Variants in SIRT5 observed in about 807,000 individuals in gnomAD.
The protein encoded by SIRT5 is sirtuin 5.
In SIRT5, 26 loss-of-function variants were observed where a neutral mutation model predicts 40.0. The ratio of observed to expected loss-of-function variants is 0.65; its 90% CI spans 0.48 to 0.90. The LOEUF is 0.90. Ranked by LOEUF, SIRT5 falls within the 40% of genes least tolerant of loss-of-function variation. The pLI is 0.00. For missense variants in SIRT5, 401 were observed against 402.4 expected, an observed-to-expected ratio of 1.00 and a Z score of 0.03; for synonymous variants, 146 against 149.1, an observed-to-expected ratio of 0.98 and a Z score of 0.15.
At chr6:13,574,821 C>A (rs1275114208) in intron 1 of SIRT5, 77 bp downstream of exon 1, 1 of 152,308 alleles carries the variant, frequency 6.6e-6, no homozygotes, top group Non-Finnish European at 1.5e-5. Flanking sequence ...GAAAGTAATC[C>A]CACCCGAGCA....
intron 3 of SIRT5, among the ~76,000 whole-genome samples, chr6:13,587,316 G>A (rs557716125): frequency 1.2e-4 from 19 of 152,326 alleles, no homozygotes; most frequent in African/African-American, 4.3e-4. Context: ...CAGGGCCACA[G>A]CGCTTACCTT....
chr6:13,604,567 A>G, intron 9 of SIRT5: 5 of 1,580,766 alleles, frequency 3.2e-6, no homozygotes, highest in Non-Finnish European at 4.3e-6. Flanking sequence ...AGAGAAAAAG[A>G]AGAAAATAAA....
chr6:13,611,668 A>C (rs184047741), intron 9 of SIRT5, 122 bp from the exon 10 acceptor site: 24 of 737,984 alleles, frequency 3.3e-5, no homozygotes, highest in African/African-American at 6.9e-5. Flanking sequence ...TCATAATACC[A>C]TCTTTATGAG....
intron 7 of SIRT5, 86 bp downstream of exon 7, chr6:13,597,102 G>T: frequency 9.7e-7 from 1 of 1,026,194 alleles, no homozygotes. Context: ...ACATGTATTT[G>T]GCAAGACGCC....
chr6:13,596,680 T>C (rs760396309), intron 6 of SIRT5, among the ~76,000 whole-genome samples: 3 of 152,118 alleles, frequency 2.0e-5, no homozygotes, highest in African/African-American at 7.2e-5. Context: ...AGAAATGCAG[T>C]CTTACTGTAT....
At chr6:13,598,482 G>A (rs931196928) in intron 7 of SIRT5, among the ~76,000 whole-genome samples, 1 of 152,174 alleles carries the variant, frequency 6.6e-6, no homozygotes, top group African/African-American at 2.4e-5. Context: ...AACTGGGAAA[G>A]CTTAGCTGAA....
chr6:13,585,033 G>A lies in SIRT5; in HGVS notation c.115+808G>A, dbSNP rs529530266. 6.6e-5 allele frequency: 10 copies of A among 152,164 alleles called. No homozygotes were observed. In the East Asian group the frequency reaches 1.9e-3, roughly 30 times the overall value. The allele number at this position is 152,164 out of a possible 1,614,324, so 9.4% of individuals were successfully genotyped here. ...GACGGTCACGGTGGAACAGAACAGA[G>A]GCCTCAGAAATAACACTACACATCT... On this transcript the variant is annotated intron_variant, in intron 3 of 9. Coordinates refer to ENST00000606117, the MANE Select transcript of SIRT5 (RefSeq NM_012241.5).
rs111480492 is a variant in SIRT5, at chr6:13,605,641, T to A, written c.857+4692T>A. On this transcript the variant is annotated intron_variant, in intron 9 of 9. Transcript: ENST00000606117. The stretch of plus-strand genomic sequence containing the variant: ...TTTTCAAGGTGTTAATTAGTTCCAG[T>A]TTTGGTTTTGTCGTTTTCCCCATGT... 2,520 of 985,410 alleles carry A rather than the reference T, an allele frequency of 2.6e-3. 51 individuals carry two copies. In the African/African-American group the frequency reaches 0.039, roughly 15 times the overall value. 61.0% of individuals were successfully genotyped at this position (985,410 alleles called of 1,614,324 possible).
intron 9 of SIRT5, chr6:13,604,999 A>G (rs904780085): frequency 3.0e-6 from 3 of 988,436 alleles, no homozygotes; most frequent in Non-Finnish European, 2.4e-6. Flanking sequence ...TGGCATCATC[A>G]AAGCTGACAT....
chr6:13,575,424 G>T (rs376724994), intron 1 of SIRT5, among the ~76,000 whole-genome samples: 1 of 152,084 alleles, frequency 6.6e-6, no homozygotes, highest in African/African-American at 2.4e-5. Flanking sequence ...TGGGAGTGAT[G>T]TATTGCATTT....
At chr6:13,590,421 G>A (rs1007892573) in intron 4 of SIRT5, among the ~76,000 whole-genome samples, 1 of 152,102 alleles carries the variant, frequency 6.6e-6, no homozygotes, top group Non-Finnish European at 1.5e-5. Context: ...CACTTTTTAT[G>A]TGTAGCTGTG....
Position 13,584,127 on chromosome 6 carries a change from T to C in SIRT5, c.17T>C (p.Ile6Thr), listed in dbSNP as rs758939301. Residue 6 changes from isoleucine (I) to threonine (T), a missense_variant, in exon 3 of 10, where the codon ATT (isoleucine) becomes ACT (threonine). By Grantham distance (89) the Ile-to-Thr change is moderately conservative. Transcript: ENST00000606117. Reference protein sequence around the residue: MRPLQIVPSRLISQLY... With the variant: MRPLQTVPSRLISQLY... ...CAAACCCTGATGCGACCTCTCCAGA[T>C]TGTCCCAAGTCGATTGATTTCCCAG... 1.2e-6 allele frequency: 2 copies of C among 1,614,096 alleles called. No homozygotes were observed. Among genetic ancestry groups the C allele is most frequent in the Non-Finnish European group, 8.5e-7 (1 of 1,179,964 alleles).
intron 4 of SIRT5, among the ~76,000 whole-genome samples, chr6:13,591,280 G>A (rs1760869314): frequency 6.6e-6 from 1 of 152,198 alleles, no homozygotes; most frequent in Non-Finnish European, 1.5e-5. Flanking sequence ...CTTTCCCTGG[G>A]TGTAGGTCAA....
intron 9 of SIRT5, among the ~76,000 whole-genome samples, chr6:13,611,195 A>ATGTG (rs564440484): frequency 7.1e-4 from 83 of 116,362 alleles, no homozygotes; most frequent in African/African-American, 2.6e-3. Context: ...GTAATGTTTT[A>ATGTG]TGTGTGTGTG....
At chr6:13,585,231 T>C (rs1489908448) in intron 3 of SIRT5, 1 of 152,116 alleles carries the variant, frequency 6.6e-6, no homozygotes, top group South Asian at 2.1e-4. Context: ...TTTTATTTTT[T>C]AAATTATTTA....
intron 9 of SIRT5, among the ~76,000 whole-genome samples, chr6:13,610,474 A>G (rs1038845221): frequency 6.6e-6 from 1 of 152,230 alleles, no homozygotes; most frequent in African/African-American, 2.4e-5. Flanking sequence ...CCAGTATTCC[A>G]GACGTCCCTC....
chr6:13,611,008 T>C (rs1303018048), intron 9 of SIRT5, among the ~76,000 whole-genome samples: 5 of 152,004 alleles, frequency 3.3e-5, no homozygotes, highest in African/African-American at 1.2e-4. Flanking sequence ...CAAAAGTCCA[T>C]GATTTTTCTT....
At chr6:13,590,717 G>A (rs977813739) in intron 4 of SIRT5, among the ~76,000 whole-genome samples, 6 of 151,658 alleles carry the variant, frequency 4.0e-5, no homozygotes, top group African/African-American at 1.2e-4. Flanking sequence ...GTTTAGTTGT[G>A]GGTGTAGTTG....
chr6:13,604,941 C>T (rs3211005), intron 9 of SIRT5: 1 of 993,272 alleles, frequency 1.0e-6, no homozygotes, highest in Non-Finnish European at 1.2e-6. Flanking sequence ...ACTGTCATCT[C>T]ATCAATGAAG....
Sources: gnomAD v4.1 joint callset for allele counts (sites outside exome capture counted in the v4.1 genomes callset) on GRCh38, gnomAD v4.1.1 for gene constraint, MANE v1.5 for transcripts, NCBI Gene and HGNC (gene_info 2026-07-23, HGNC 2026-07-21) for gene names.